Variants in SPAG16 observed in about 807,000 individuals in gnomAD.
The protein encoded by SPAG16 is sperm-associated antigen 16 protein.
In SPAG16, 86 loss-of-function variants were observed where a neutral mutation model predicts 80.4. The ratio of observed to expected loss-of-function variants is 1.07; its 90% CI spans 0.90 to 1.28. The LOEUF (loss-of-function observed/expected upper bound fraction) is 1.28. SPAG16 is among the 50% of genes most tolerant of loss of function. The pLI is 0.00. For missense variants in SPAG16, 870 were observed against 765.3 expected (o/e 1.14, Z -1.61); for synonymous variants, 294 against 265.9 (o/e 1.11, Z -1.03).
At chr2:213,849,839 A>G (rs2074815231) in intron 10 of SPAG16, among the ~76,000 whole-genome samples, 2 of 152,232 alleles carry the variant, frequency 1.3e-5, no homozygotes, top group African/African-American at 2.4e-5. Flanking sequence ...TAACAACACA[A>G]AATTCTTATA....
At chr2:213,576,487 G>A (rs1325897352) in intron 10 of SPAG16, among the ~76,000 whole-genome samples, 2 of 152,118 alleles carry the variant, frequency 1.3e-5, no homozygotes, top group Non-Finnish European at 2.9e-5. Flanking sequence ...ATACCCAAAG[G>A]AATATAAATC....
In SPAG16 at chr2:213,380,237, C is replaced by T. The variant is rs2067099972; in HGVS notation, c.942+5118C>T. On this transcript the variant is annotated intron_variant, in intron 9 of 15. Coordinates refer to ENST00000331683, the MANE Select transcript of SPAG16 (RefSeq NM_024532.5). The stretch of plus-strand genomic sequence containing the variant: ...AGTTCTGCCCACTGGGAAGATTTCC[C>T]TTCATCACTGTCTTTCAGGGATGTC... Among the ~76,000 whole-genome samples the T allele has an allele frequency of 2.0e-5, 3 of 152,214 alleles. No homozygotes were observed. The South Asian group carries it at 6.2e-4, about 32-fold the overall frequency.
At chr2:213,716,004 GC>G (rs750457149) in intron 10 of SPAG16, among the ~76,000 whole-genome samples, 2 of 151,908 alleles carry the variant, frequency 1.3e-5, no homozygotes, top group East Asian at 1.9e-4. Flanking sequence ...GATTAATATT[GC>G]CCTCATCTAT....
At chr2:213,800,163 A>G (rs1475687497) in intron 10 of SPAG16, among the ~76,000 whole-genome samples, 2 of 152,150 alleles carry the variant, frequency 1.3e-5, no homozygotes, top group Non-Finnish European at 2.9e-5. Flanking sequence ...GCTTCTATGC[A>G]GCAATATTAC....
intron 15 of SPAG16, among the ~76,000 whole-genome samples, chr2:214,293,079 G>C (rs1223990336): frequency 6.6e-6 from 1 of 152,220 alleles, no homozygotes; most frequent in Admixed American, 6.5e-5. Context: ...TTGAGCCGTA[G>C]AGCAATGTAT....
At chr2:214,009,514 T>A (rs1476840126) in intron 12 of SPAG16, among the ~76,000 whole-genome samples, 1 of 152,170 alleles carries the variant, frequency 6.6e-6, no homozygotes, top group Non-Finnish European at 1.5e-5. Context: ...ACTGGTTACT[T>A]TATCACAGTT....
At chr2:213,320,749 T>G (rs2063579215) in intron 5 of SPAG16, among the ~76,000 whole-genome samples, 1 of 152,052 alleles carries the variant, frequency 6.6e-6, no homozygotes, top group Non-Finnish European at 1.5e-5. Context: ...GATTTCATTC[T>G]TTTTTTAAAA....
At chr2:213,661,977 G>C (rs965623465) in intron 10 of SPAG16, among the ~76,000 whole-genome samples, 13 of 152,084 alleles carry the variant, frequency 8.5e-5, no homozygotes, top group African/African-American at 2.9e-4. Context: ...GTATTATTGT[G>C]AGTTATGTTT....
At chr2:214,335,692 G>C (rs1289394677) in intron 15 of SPAG16, among the ~76,000 whole-genome samples, 1 of 143,120 alleles carries the variant, frequency 7.0e-6, no homozygotes, top group Non-Finnish European at 1.5e-5. Flanking sequence ...TCATATAAAT[G>C]TTTTTCTTTC....
intron 15 of SPAG16, among the ~76,000 whole-genome samples, chr2:214,278,322 C>T (rs1243743469): frequency 1.3e-5 from 2 of 152,190 alleles, no homozygotes; most frequent in Non-Finnish European, 2.9e-5. Context: ...CTGGGCCGCA[C>T]CCACTGTCCA....
intron 12 of SPAG16, among the ~76,000 whole-genome samples, chr2:213,994,684 T>A (rs1458125874): frequency 6.6e-6 from 1 of 152,062 alleles, no homozygotes; most frequent in African/African-American, 2.4e-5. Context: ...TATTCATGAC[T>A]GCTTTGGTTA....
At chr2:214,052,492 T>C (rs1469010817) in intron 13 of SPAG16, among the ~76,000 whole-genome samples, 1 of 152,216 alleles carries the variant, frequency 6.6e-6, no homozygotes, top group Non-Finnish European at 1.5e-5. Context: ...CTGACTTGCC[T>C]GCACCAGCCA....
At chr2:213,591,445 T>C (rs2060686897) in intron 10 of SPAG16, among the ~76,000 whole-genome samples, 1 of 152,200 alleles carries the variant, frequency 6.6e-6, no homozygotes, top group South Asian at 2.1e-4. Context: ...TAAAGACATG[T>C]GGATCAAAAT....
chr2:214,003,739 A>G (rs763093012), intron 12 of SPAG16, among the ~76,000 whole-genome samples: 1 of 152,182 alleles, frequency 6.6e-6, no homozygotes, highest in East Asian at 1.9e-4. Flanking sequence ...ATTTAAAGAT[A>G]ATTTATTTAA....
chr2:213,835,726 C>T (rs1457906798), intron 10 of SPAG16, among the ~76,000 whole-genome samples: 1 of 152,058 alleles, frequency 6.6e-6, no homozygotes, highest in Non-Finnish European at 1.5e-5. Context: ...TAATATTGTA[C>T]ATTCTCACTG....
Position 213,674,523 on chromosome 2 carries a change from A to G in SPAG16, c.1070+184433A>G, listed in dbSNP as rs1193419551. ...AGCATTAGGTATATCTCCCAATGCT[A>G]TCCCTCCCCCTTTCCCCCACCCCAC... is the stretch of plus-strand genomic sequence containing the variant. On this transcript the variant is annotated intron_variant, in intron 10 of 15. Coordinates refer to ENST00000331683, the MANE Select transcript of SPAG16 (RefSeq NM_024532.5). Among the ~76,000 whole-genome samples the G allele has an allele frequency of 8.7e-5, 13 of 150,124 alleles. 1 individual carries two copies. Among genetic ancestry groups the G allele is most frequent in the Admixed American group, 8.5e-4 (13 of 15,220 alleles).
chr2:213,854,266 G>A (rs4371303), intron 10 of SPAG16, among the ~76,000 whole-genome samples: 52,254 of 151,864 alleles, frequency 0.34, 9,413 homozygotes, highest in South Asian at 0.47. Context: ...AAAGAAAAAA[G>A]TATGAATGAT....
chr2:213,629,068 G>C lies in SPAG16; in HGVS notation c.1070+138978G>C, dbSNP rs10932490. ...CAGAGGTAAGGCAACAACTTTTTCAGAGGAAGAAACTCATAAGCAAAGGAC... is the reference window on the plus strand; with the variant it reads ...CAGAGGTAAGGCAACAACTTTTTCACAGGAAGAAACTCATAAGCAAAGGAC... On this transcript the variant is annotated intron_variant, in intron 10 of 15. Transcript: ENST00000331683. 4.6e-5 allele frequency among the ~76,000 whole-genome samples: 7 copies of C among 152,134 alleles called. No individual in the cohort carries two copies. The East Asian group carries it at 1.4e-3, about 29-fold the overall frequency.
intron 9 of SPAG16, among the ~76,000 whole-genome samples, chr2:213,439,574 A>C (rs772721021): frequency 6.6e-6 from 1 of 152,218 alleles, no homozygotes; most frequent in Non-Finnish European, 1.5e-5. Flanking sequence ...TATACTGTTC[A>C]AGGTGTGGTC....
Sources: gnomAD v4.1 joint callset for allele counts (sites outside exome capture counted in the v4.1 genomes callset) on GRCh38, gnomAD v4.1.1 for gene constraint, MANE v1.5 for transcripts, NCBI Gene and HGNC (gene_info 2026-07-23, HGNC 2026-07-21) for gene names.